Variants in SHCBP1L observed in about 807,000 individuals in gnomAD.
The protein encoded by SHCBP1L is SHC binding and spindle associated 1 like.
Under a neutral mutation model 62.5 loss-of-function variants are expected in SHCBP1L, and 67 were observed. The observed-to-expected ratio is 1.07, with a 90% confidence interval of 0.88 to 1.31. SHCBP1L has a LOEUF of 1.31. SHCBP1L is among the 40% of genes most tolerant of loss of function. SHCBP1L has a pLI of 0.00. For synonymous variants in SHCBP1L, 284 were observed against 289.4 expected (o/e 0.98, Z 0.19); for missense variants, 823 against 809.8 (o/e 1.02, Z -0.20).
At chr1:182,918,484 C>T (rs1370596574) in intron 6 of SHCBP1L, among the ~76,000 whole-genome samples, 3 of 151,852 alleles carry the variant, frequency 2.0e-5, no homozygotes, top group Admixed American at 6.6e-5. Flanking sequence ...AAACTACAAA[C>T]CATTGCTCAA....
chr1:182,927,023 C>A (rs1650774851), intron 6 of SHCBP1L, among the ~76,000 whole-genome samples: 1 of 132,370 alleles, frequency 7.6e-6, no homozygotes, highest in Non-Finnish European at 1.6e-5. Flanking sequence ...GGCAATTTGT[C>A]TTTAGAGCCC....
In SHCBP1L at chr1:182,904,372, C is replaced by G. The variant is rs750050155; in HGVS notation, c.1395G>C (p.Val465=). 5 of 1,614,000 alleles carry G rather than the reference C, an allele frequency of 3.1e-6. No homozygotes were observed. In the African/African-American group the frequency reaches 4.0e-5, roughly 13 times the overall value. Residue 465 remains valine, a synonymous_variant, in exon 8 of 10, where the codon GTG becomes GTC. Coordinates refer to ENST00000367547, the MANE Select transcript of SHCBP1L (RefSeq NM_030933.4). The part of the protein sequence containing the change: ...ITSEPSRDSF[V]VSKADNVKLM... ...GTTTCACATTGTCAGCTTTGGACACCACAAAACTGTCACGAGAAGGTTCAG... is the reference window on the plus strand; with the variant it reads ...GTTTCACATTGTCAGCTTTGGACACGACAAAACTGTCACGAGAAGGTTCAG...
intron 6 of SHCBP1L, 104 bp from the exon 7 acceptor site, chr1:182,905,753 C>A (rs1649992774): frequency 9.4e-7 from 1 of 1,058,452 alleles, no homozygotes; most frequent in African/African-American, 1.6e-5. Context: ...AAAGACTTAT[C>A]ATTTATTAAA....
intron 6 of SHCBP1L, among the ~76,000 whole-genome samples, chr1:182,921,122 A>G (rs1650516102): frequency 6.6e-6 from 1 of 152,172 alleles, no homozygotes; most frequent in Admixed American, 6.5e-5. Flanking sequence ...AGGCAGCTAG[A>G]GAGGAGAGGC....
chr1:182,924,675 A>AGAATG (rs1650621244), intron 6 of SHCBP1L, among the ~76,000 whole-genome samples: 1 of 93,910 alleles, frequency 1.1e-5, no homozygotes, highest in Non-Finnish European at 2.1e-5. Flanking sequence ...CAACTACAAA[A>AGAATG]GAAAGGAAAG....
Position 182,939,232 on chromosome 1 carries a change from GTATT to G in SHCBP1L, c.1016_1019del (p.Lys339ThrfsTer4), listed in dbSNP as rs752766847. The G allele has an allele frequency of 6.2e-7, 1 of 1,613,900 alleles. No individual in the cohort carries two copies. The highest frequency in any genetic ancestry group is 8.5e-7 in the Non-Finnish European group (1 of 1,179,946). ...ATCCACAGAGCATGACTATCTCATA[GTATT>G]TTTTCCAGCATTCAACAGCCTCTGC... On this transcript the variant is annotated frameshift_variant, in exon 5 of 10. Transcript: ENST00000367547. LOFTEE classifies it high-confidence loss of function.
intron 2 of SHCBP1L, among the ~76,000 whole-genome samples, chr1:182,941,961 G>A (rs1028377973): frequency 2.6e-5 from 4 of 152,038 alleles, no homozygotes; most frequent in Admixed American, 2.0e-4. Flanking sequence ...TTAAAAAATG[G>A]GATGAGGTGG....
chr1:182,951,460 T>C lies in SHCBP1L; in HGVS notation c.413A>G (p.Asp138Gly). ...DEVLQDCKAE[D>G]ADEVMGKYLS... ...GTATTTACCCATAACTTCATCAGCATCTTCTGCCTAACAAGAGAAAAAATG... is the reference window on the plus strand; with the variant it reads ...GTATTTACCCATAACTTCATCAGCACCTTCTGCCTAACAAGAGAAAAAATG... Residue 138 changes from aspartate to glycine, a missense_variant, in exon 2 of 10, where the codon GAT (aspartate) becomes GGT (glycine). By Grantham distance (94) the Asp-to-Gly change is moderately conservative (BLOSUM62 -1). Coordinates refer to ENST00000367547, the MANE Select transcript of SHCBP1L (RefSeq NM_030933.4). The C allele has an allele frequency of 6.4e-7, 1 of 1,572,278 alleles. No individual in the cohort carries two copies. Among genetic ancestry groups the C allele is most frequent in the East Asian group, 2.3e-5 (1 of 44,290 alleles).
intron 6 of SHCBP1L, among the ~76,000 whole-genome samples, chr1:182,924,697 AAAGG>A (rs1650625294): frequency 4.1e-5 from 4 of 97,294 alleles, no homozygotes; most frequent in East Asian, 2.5e-4. Flanking sequence ...AAAGGAAAGG[AAAGG>A]AAGAAAGAAA....
intron 6 of SHCBP1L, among the ~76,000 whole-genome samples, chr1:182,907,424 A>G (rs1374041704): frequency 7.4e-6 from 1 of 134,562 alleles, no homozygotes; most frequent in Non-Finnish European, 1.6e-5. Context: ...CAAGAGCGAA[A>G]CTGTCTCAAA....
chr1:182,917,176 T>C (rs144776384), intron 6 of SHCBP1L, among the ~76,000 whole-genome samples: 52 of 152,250 alleles, frequency 3.4e-4, no homozygotes, highest in African/African-American at 1.1e-3. Context: ...AAGAAAACTA[T>C]ACAGCAATAT....
intron 9 of SHCBP1L, among the ~76,000 whole-genome samples, chr1:182,900,732 A>G (rs1649807914): frequency 6.6e-6 from 1 of 152,120 alleles, no homozygotes; most frequent in African/African-American, 2.4e-5. Context: ...TGCCCAGCCA[A>G]TAACAAAATA....
rs1650721409 is a variant in SHCBP1L at position 182,925,635 on chromosome 1, A to G, written c.1182+4012T>C. On this transcript the variant is annotated intron_variant, in intron 6 of 9. Transcript: ENST00000367547. ...TGCAGATGACAATGTGAAATGTTTC[A>G]GCCCCTGTGAAAAACAGTTTGGCAA... 2.0e-5 allele frequency among the ~76,000 whole-genome samples: 3 copies of G among 152,366 alleles called. No individual in the cohort carries two copies. The South Asian group carries it at 6.2e-4, about 32-fold the overall frequency.
At chr1:182,905,069 G>T (rs1169100751) in intron 7 of SHCBP1L, among the ~76,000 whole-genome samples, 1 of 152,040 alleles carries the variant, frequency 6.6e-6, no homozygotes, top group African/African-American at 2.4e-5. Context: ...GTTGTTGTTG[G>T]TTAGACAATG....
chr1:182,935,813 A>T (rs1651148407), intron 5 of SHCBP1L, among the ~76,000 whole-genome samples: 1 of 152,230 alleles, frequency 6.6e-6, no homozygotes, highest in South Asian at 2.1e-4. Flanking sequence ...TCTGAAATTA[A>T]TATAGCCACA....
At chr1:182,925,010 A>AAGGAAGGGGAGGAAGGGG (rs1390703901) in intron 6 of SHCBP1L, among the ~76,000 whole-genome samples, 1 of 132,424 alleles carries the variant, frequency 7.6e-6, no homozygotes, top group African/African-American at 3.1e-5. Flanking sequence ...GGAAGAAAGG[A>AAGGAAGGGGAGGAAGGGG]AGGAAGGGGA....
intron 6 of SHCBP1L, among the ~76,000 whole-genome samples, chr1:182,920,849 A>C (rs1650506958): frequency 6.6e-6 from 1 of 152,228 alleles, no homozygotes; most frequent in Non-Finnish European, 1.5e-5. Flanking sequence ...AGAATAAAAA[A>C]GAATGAACAA....
intron 5 of SHCBP1L, among the ~76,000 whole-genome samples, chr1:182,933,020 C>T (rs950590724): frequency 5.3e-5 from 8 of 152,140 alleles, no homozygotes; most frequent in African/African-American, 7.2e-5. Context: ...ATTCTCCTGC[C>T]TCAGCCTCCT....
At chr1:182,949,877 C>T (rs1651691522) in intron 2 of SHCBP1L, among the ~76,000 whole-genome samples, 2 of 146,250 alleles carry the variant, frequency 1.4e-5, no homozygotes, top group Non-Finnish European at 3.0e-5. Flanking sequence ...CCCAGGCTCA[C>T]TGCAACCTCT....
Sources: allele counts gnomAD v4.1 joint callset (sites outside exome capture counted in the v4.1 genomes callset), GRCh38; gene constraint gnomAD v4.1.1; transcripts MANE v1.5; gene names NCBI Gene and HGNC (gene_info 2026-07-23, HGNC 2026-07-21).